RCAN1: variants seen among roughly 807,000 people sequenced by gnomAD.
RCAN1 encodes regulator of calcineurin 1.
RCAN1 carries 11 observed loss-of-function variants against 22.9 expected under a neutral mutation model. The ratio of observed to expected loss-of-function variants is 0.48; its 90% CI spans 0.30 to 0.79. The LOEUF is 0.79. RCAN1 is among the 30% of genes least tolerant of loss of function. RCAN1 has a pLI of 0.06. For synonymous variants in RCAN1, 136 were observed against 142.3 expected (o/e 0.96, Z 0.32); for missense variants, 291 against 337.8 (o/e 0.86, Z 1.09).
intron 1 of RCAN1, among the ~76,000 whole-genome samples, chr21:34,604,411 G>A (rs1234258206): frequency 2.0e-5 from 3 of 151,988 alleles, no homozygotes; most frequent in Non-Finnish European, 4.4e-5. Context: ...AAATTACAGG[G>A]ATAAGCCACA....
chr21:34,573,745 T>C (rs1329069142), intron 1 of RCAN1, among the ~76,000 whole-genome samples: 1 of 152,190 alleles, frequency 6.6e-6, no homozygotes, highest in African/African-American at 2.4e-5. Context: ...AGCATTCCTC[T>C]TCCTCCCAAA....
At chr21:34,606,115 C>G (rs750061293) in intron 1 of RCAN1, among the ~76,000 whole-genome samples, 4 of 152,030 alleles carry the variant, frequency 2.6e-5, no homozygotes, top group Non-Finnish European at 4.4e-5. Flanking sequence ...TAAAATGATA[C>G]GTCTTGTGGA....
At chr21:34,601,525 A>C (rs1006757208) in intron 1 of RCAN1, among the ~76,000 whole-genome samples, 4 of 152,212 alleles carry the variant, frequency 2.6e-5, no homozygotes, top group African/African-American at 9.6e-5. Context: ...TCTATAAAGA[A>C]GGTGAATGCT....
chr21:34,566,461 T>A (rs1987010460), intron 1 of RCAN1, among the ~76,000 whole-genome samples: 1 of 152,150 alleles, frequency 6.6e-6, no homozygotes, highest in Non-Finnish European at 1.5e-5. Context: ...AAGGCCACAT[T>A]CAAATTTAGG....
intron 1 of RCAN1, among the ~76,000 whole-genome samples, chr21:34,557,293 C>T (rs748511728): frequency 2.3e-4 from 35 of 152,336 alleles, no homozygotes; most frequent in Middle Eastern, 3.4e-3. Flanking sequence ...AATGTCCATT[C>T]GGCTAGATAA....
At chr21:34,558,748 G>C (rs75490424) in intron 1 of RCAN1, among the ~76,000 whole-genome samples, 6 of 152,290 alleles carry the variant, frequency 3.9e-5, no homozygotes, top group Middle Eastern at 3.4e-3. Context: ...TCTAGCTCTC[G>C]CTTTTCCAGT....
At chr21:34,608,626 G>A (rs1988602988) in intron 1 of RCAN1, among the ~76,000 whole-genome samples, 2 of 152,308 alleles carry the variant, frequency 1.3e-5, no homozygotes, top group Admixed American at 1.3e-4. Context: ...TGAGGCAGGG[G>A]CACCAGGCTA....
intron 1 of RCAN1, among the ~76,000 whole-genome samples, chr21:34,607,027 G>T (rs772463715): frequency 1.4e-4 from 21 of 152,176 alleles, no homozygotes; most frequent in African/African-American, 3.9e-4. Context: ...TCTCTTAATC[G>T]TGAATTCAGG....
intron 1 of RCAN1, 43 bp from the exon 2 acceptor site, chr21:34,523,753 G>T: frequency 6.6e-7 from 1 of 1,509,314 alleles, no homozygotes; most frequent in Non-Finnish European, 9.1e-7. Context: ...AAATTTACCT[G>T]CATATGACCC....
intron 1 of RCAN1, among the ~76,000 whole-genome samples, chr21:34,570,024 G>A (rs761165446): frequency 3.3e-5 from 5 of 152,254 alleles, no homozygotes; most frequent in Non-Finnish European, 7.3e-5. Context: ...CTGGAAGCTG[G>A]TGGCACAGCC....
chr21:34,538,315 G>A (rs1985765768), intron 1 of RCAN1, among the ~76,000 whole-genome samples: 1 of 152,122 alleles, frequency 6.6e-6, no homozygotes, highest in Admixed American at 6.5e-5. Flanking sequence ...TCCTTATGTT[G>A]AAAATGATGG....
intron 1 of RCAN1, among the ~76,000 whole-genome samples, chr21:34,535,377 G>A (rs1183634791): frequency 1.3e-5 from 2 of 151,254 alleles, no homozygotes; most frequent in Non-Finnish European, 2.9e-5. Flanking sequence ...CCACAGGGAA[G>A]TGGTATAAAG....
At chr21:34,551,168 C>T (rs757910167) in intron 1 of RCAN1, among the ~76,000 whole-genome samples, 3 of 152,152 alleles carry the variant, frequency 2.0e-5, no homozygotes, top group South Asian at 4.1e-4. Context: ...GCACCCGTGA[C>T]GCTAAGGGAA....
At chr21:34,612,224 T>C (rs1988702481) in intron 1 of RCAN1, among the ~76,000 whole-genome samples, 1 of 152,152 alleles carries the variant, frequency 6.6e-6, no homozygotes, top group African/African-American at 2.4e-5. Context: ...CACCAAGATG[T>C]GCAATTAGAA....
chr21:34,536,471 G>A (rs1028354596), intron 1 of RCAN1, among the ~76,000 whole-genome samples: 7 of 152,182 alleles, frequency 4.6e-5, no homozygotes, highest in African/African-American at 1.4e-4. Flanking sequence ...TCATCCCTGC[G>A]CTAAGCAGCT....
chr21:34,518,327 C>CCCTGAATGCTCTTTT lies in RCAN1; in HGVS notation c.587-72_587-71insAAAAGAGCATTCAGG. ...GAGTCAAAAGGCAAACATAAAAGAGCATTCAGGGCTCTGCTGGGCCAGCTG... is the reference window on the plus strand; with the variant it reads ...GAGTCAAAAGGCAAACATAAAAGAGCCCTGAATGCTCTTTTATTCAGGGCTCTGCTGGGCCAGCTG... On this transcript the variant is annotated intron_variant, in intron 3 of 3. Transcript: ENST00000313806. The surrounding 1 kb of genome is among the most constrained non-coding windows in gnomAD (Gnocchi z 4.2). 6.6e-7 allele frequency: 1 copy of CCCTGAATGCTCTTTT among 1,522,012 alleles called. No individual in the cohort carries two copies. Among genetic ancestry groups the CCCTGAATGCTCTTTT allele is most frequent in the African/African-American group, 1.4e-5 (1 of 73,254 alleles). 94.3% of individuals were successfully genotyped at this position (1,522,012 alleles called of 1,614,324 possible).
At chr21:34,582,406 G>A (rs575758519) in intron 1 of RCAN1, among the ~76,000 whole-genome samples, 1 of 152,226 alleles carries the variant, frequency 6.6e-6, no homozygotes, top group South Asian at 2.1e-4. Flanking sequence ...CTTAGCTAGG[G>A]GCTCGGGAAG....
chr21:34,588,949 C>A (rs190217835), intron 1 of RCAN1, among the ~76,000 whole-genome samples: 1 of 152,226 alleles, frequency 6.6e-6, no homozygotes, highest in East Asian at 1.9e-4. Flanking sequence ...TACTTAGAAA[C>A]CTAAAGTAGT....
At position 34,524,055 on chromosome 21, in the gene RCAN1, G is replaced by C. The variant is rs555954995; in HGVS notation, c.253-345C>G. On this transcript the variant is annotated intron_variant, in intron 1 of 3. Coordinates refer to ENST00000313806, the MANE Select transcript of RCAN1 (RefSeq NM_004414.7). Reference sequence around the variant, plus strand: ...GCCTCCCAAAGTGCTGGGATTACAGGCATGAGCCACCGTGCCTGGCCTCCT... The same window carrying C: ...GCCTCCCAAAGTGCTGGGATTACAGCCATGAGCCACCGTGCCTGGCCTCCT... 4.1e-5 allele frequency: 7 copies of C among 170,722 alleles called. No homozygotes were observed. The South Asian group carries it at 9.8e-4, about 24-fold the overall frequency. The allele number at this position is 170,722 out of a possible 1,614,324, so 10.6% of individuals were successfully genotyped here. A position where few individuals can be genotyped will look rare whatever the true frequency, so the allele number is the denominator to read the frequency against.
Sources: allele counts gnomAD v4.1 joint callset (sites outside exome capture counted in the v4.1 genomes callset), GRCh38; gene constraint gnomAD v4.1.1; non-coding constraint Gnocchi (gnomAD v3.1); transcripts MANE v1.5; gene names NCBI Gene and HGNC (gene_info 2026-07-23, HGNC 2026-07-21).